The following CASK variants were observed in gnomAD, a reference collection of about 807,000 sequenced individuals.
The protein encoded by CASK is peripheral plasma membrane protein CASK.
CASK carries 4 observed loss-of-function variants against 82.9 expected under a neutral mutation model. The observed-to-expected ratio is 0.05, with a 90% CI of 0.02 to 0.11. CASK has a LOEUF of 0.11. Among genes scored for constraint, CASK ranks in the 10% least tolerant of loss-of-function variants. The probability of loss-of-function intolerance (pLI) is 1.00; values close to 1 mark genes in which losing one functional copy is unlikely to be tolerated. For synonymous variants in CASK, 259 were observed against 253.5 expected (o/e 1.02, Z -0.20); for missense variants, 358 against 720.9 (o/e 0.50, Z 5.76).
chrX:41,640,134 G>A (rs1363864417), intron 8 of CASK, among the ~76,000 whole-genome samples: 1 of 111,590 alleles, frequency 9.0e-6, no homozygotes, highest in African/African-American at 3.3e-5. Context: ...TAACTTTTAA[G>A]AAACTGCCAA....
At chrX:41,609,810 G>T in intron 12 of CASK, 94 bp downstream of exon 12, 2 of 957,160 alleles carry the variant, frequency 2.1e-6, no homozygotes, top group Non-Finnish European at 3.0e-6. Flanking sequence ...GCCCGCCTCT[G>T]CCTCCCAAAG....
intron 5 of CASK, chrX:41,695,689 C>T: frequency 8.3e-7 from 1 of 1,204,955 alleles, no homozygotes; most frequent in Non-Finnish European, 1.1e-6. Context: ...TGGCCTTACT[C>T]CTCCCACAGA....
At chrX:41,764,444 T>C (rs2069070258) in intron 3 of CASK, among the ~76,000 whole-genome samples, 1 of 111,348 alleles carries the variant, frequency 9.0e-6, no homozygotes, top group Non-Finnish European at 1.9e-5. Context: ...GTGCTCCTAA[T>C]CCACATATCT....
intron 4 of CASK, among the ~76,000 whole-genome samples, chrX:41,741,706 C>A (rs1007095441): frequency 8.9e-6 from 1 of 111,838 alleles, no homozygotes; most frequent in African/African-American, 3.2e-5. Context: ...CAGAACTGAA[C>A]TATCTTTCTC....
chrX:41,542,699 T>C lies in CASK; in HGVS notation c.2147A>G (p.His716Arg). ...KQYKDKYLAKHNAVFDQLDLV... is the reference protein window; with the variant it reads ...KQYKDKYLAKRNAVFDQLDLV... ...GTTGTGCTTTTCCCTACCTGCATTG[T>C]GCTTTGCCAAATATTTATCTTTGTA... The change falls in exon 22 of 27, where the codon CAC becomes CGC. Residue 716 changes from histidine (H) to arginine (R), a missense_variant. By Grantham distance (29) the His-to-Arg change is conservative (BLOSUM62 0). Transcript: ENST00000378163. The C allele has an allele frequency of 8.4e-7, 1 of 1,187,846 alleles. No homozygotes were observed. Among genetic ancestry groups the C allele is most frequent in the Non-Finnish European group, 1.1e-6 (1 of 873,639 alleles).
At chrX:41,624,084 A>G (rs1447834894) in intron 10 of CASK, among the ~76,000 whole-genome samples, 1 of 112,308 alleles carries the variant, frequency 8.9e-6, no homozygotes, top group Non-Finnish European at 1.9e-5. Context: ...TATCCTAAAT[A>G]TATTATAAGC....
chrX:41,583,911 T>C (rs1287929942), intron 14 of CASK: 1 of 111,728 alleles, frequency 9.0e-6, no homozygotes, highest in Non-Finnish European at 1.9e-5. Flanking sequence ...CTGGCTAGTT[T>C]ATTTTTAATT....
intron 21 of CASK, among the ~76,000 whole-genome samples, chrX:41,546,976 G>A (rs1035632804): frequency 1.8e-5 from 2 of 110,738 alleles, no homozygotes; most frequent in South Asian, 3.8e-4. Flanking sequence ...TGTTGCCCAG[G>A]CTGGAGTGCA....
chrX:41,582,378 C>T (rs2065593169), intron 14 of CASK, among the ~76,000 whole-genome samples: 1 of 111,481 alleles, frequency 9.0e-6, no homozygotes, highest in South Asian at 3.8e-4. Context: ...TGCAGTGGTG[C>T]GATCCCAACT....
chrX:41,810,586 A>C (rs990042733), intron 2 of CASK, among the ~76,000 whole-genome samples: 1 of 111,490 alleles, frequency 9.0e-6, no homozygotes, highest in Non-Finnish European at 1.9e-5. Context: ...TGAAGGAAGC[A>C]CTAAATATAG....
chrX:41,640,727 T>C (rs1276296665), intron 8 of CASK, among the ~76,000 whole-genome samples: 1 of 111,677 alleles, frequency 9.0e-6, no homozygotes, highest in East Asian at 2.8e-4. Context: ...GTATGTTTTC[T>C]TATTATTGAG....
At chrX:41,858,886 G>A (rs1299044534) in intron 1 of CASK, among the ~76,000 whole-genome samples, 1 of 110,667 alleles carries the variant, frequency 9.0e-6, no homozygotes, top group Non-Finnish European at 1.9e-5. Flanking sequence ...GGGGGAGGGG[G>A]TTGTGATTGG....
At chrX:41,744,293 T>A (rs1054446046) in intron 4 of CASK, among the ~76,000 whole-genome samples, 2 of 110,211 alleles carry the variant, frequency 1.8e-5, no homozygotes, top group East Asian at 5.6e-4. Context: ...GCTCTAAATG[T>A]ATAAGCAAGT....
At chrX:41,676,330 A>C (rs1407798387) in intron 5 of CASK, 2 of 1,197,187 alleles carry the variant, frequency 1.7e-6, no homozygotes, top group African/African-American at 1.8e-5. Context: ...AAGATGACCT[A>C]CGGGCTCCTA....
chrX:41,750,235 T>C (rs1475766060), intron 3 of CASK, among the ~76,000 whole-genome samples: 1 of 112,741 alleles, frequency 8.9e-6, no homozygotes, highest in Non-Finnish European at 1.9e-5. Flanking sequence ...CTGTTATTTA[T>C]GCAAATTTTA....
intron 3 of CASK, among the ~76,000 whole-genome samples, chrX:41,783,006 G>A (rs1234269085): frequency 2.7e-5 from 3 of 110,686 alleles, no homozygotes; most frequent in Admixed American, 9.6e-5. Flanking sequence ...TTAGCCAGGC[G>A]TGGTGGCATG....
chrX:41,623,351 T>C (rs1194664548), intron 10 of CASK, among the ~76,000 whole-genome samples: 3 of 112,703 alleles, frequency 2.7e-5, no homozygotes, highest in African/African-American at 9.7e-5. Flanking sequence ...TCTTATTAGA[T>C]GACAAGTTTT....
intron 3 of CASK, among the ~76,000 whole-genome samples, chrX:41,775,236 A>G (rs1229515195): frequency 9.0e-6 from 1 of 111,092 alleles, no homozygotes; most frequent in Non-Finnish European, 1.9e-5. Context: ...ACATGAACAG[A>G]CACTTCTCAA....
At chrX:41,843,020 C>A (rs1464709227) in intron 2 of CASK, among the ~76,000 whole-genome samples, 1 of 111,320 alleles carries the variant, frequency 9.0e-6, no homozygotes, top group Non-Finnish European at 1.9e-5. Context: ...TATCTTGTAT[C>A]CTGCAACCTT....
Sources: allele counts gnomAD v4.1 joint callset (sites outside exome capture counted in the v4.1 genomes callset), GRCh38; gene constraint gnomAD v4.1.1; transcripts MANE v1.5; gene names NCBI Gene and HGNC (gene_info 2026-07-23, HGNC 2026-07-21).